AKR1C8: variants seen among roughly 807,000 people sequenced by gnomAD.
The protein encoded by AKR1C8 is aldo-keto reductase family 1 member C8, also known as aldo-keto reductase family 1 member C-like protein 1.
chr10:5,133,699 G>A, the AKR1C8 span, among the ~76,000 whole-genome samples: 3 of 152,144 alleles, frequency 2.0e-5, no homozygotes, highest in Non-Finnish European at 2.9e-5. Context: ...CTTTGTACAA[G>A]CAGTTAATTA....
the AKR1C8 span, among the ~76,000 whole-genome samples, chr10:5,131,388 G>A: frequency 1.3e-5 from 2 of 151,858 alleles, no homozygotes; most frequent in Non-Finnish European, 2.9e-5. Flanking sequence ...TGAGAGTAAA[G>A]AGACAACCTA....
chr10:5,161,625 T>C, the AKR1C8 span: 4 of 516,906 alleles, frequency 7.7e-6, no homozygotes, highest in Admixed American at 2.0e-5. Flanking sequence ...AGTGAGATCA[T>C]TGAATCTGAA....
the AKR1C8 span, among the ~76,000 whole-genome samples, chr10:5,121,569 C>T: frequency 6.6e-6 from 1 of 151,920 alleles, no homozygotes; most frequent in African/African-American, 2.4e-5. Flanking sequence ...GGAGAAATGC[C>T]ACTGGACTCT....
At chr10:5,161,232 G>T in the AKR1C8 span, among the ~76,000 whole-genome samples, 3 of 152,180 alleles carry the variant, frequency 2.0e-5, no homozygotes, top group Non-Finnish European at 4.4e-5. Flanking sequence ...AATTCATTTT[G>T]TTTCCCAAGG....
chr10:5,182,434 T>C, the AKR1C8 span, among the ~76,000 whole-genome samples: 1 of 152,130 alleles, frequency 6.6e-6, no homozygotes, highest in Non-Finnish European at 1.5e-5. Flanking sequence ...AGAATGTCAC[T>C]TTCTAACAGG....
At chr10:5,149,972 CT>C in the AKR1C8 span, among the ~76,000 whole-genome samples, 4 of 151,590 alleles carry the variant, frequency 2.6e-5, no homozygotes, top group African/African-American at 9.8e-5. Context: ...GTCTTCTGGA[CT>C]TTGAAAAACA....
the AKR1C8 span, chr10:5,159,768 G>C: frequency 4.3e-6 from 2 of 465,168 alleles, no homozygotes; most frequent in East Asian, 7.0e-5. Flanking sequence ...ATTTCTGAGA[G>C]AAAAGAACTC....
the AKR1C8 span, among the ~76,000 whole-genome samples, chr10:5,177,462 C>A: frequency 0.011 from 1,654 of 152,030 alleles, 23 homozygotes; most frequent in African/African-American, 0.036. Flanking sequence ...TGTCTCTGCC[C>A]GGCTTTGGTA....
At chr10:5,183,052 T>C in the AKR1C8 span, among the ~76,000 whole-genome samples, 11 of 152,314 alleles carry the variant, frequency 7.2e-5, no homozygotes, top group East Asian at 1.7e-3. Flanking sequence ...AAAAATAGTG[T>C]GTCAAACTTG....
At chr10:5,169,340 G>T in the AKR1C8 span, among the ~76,000 whole-genome samples, 1 of 152,158 alleles carries the variant, frequency 6.6e-6, no homozygotes, top group African/African-American at 2.4e-5. Flanking sequence ...ACTTCCTGCT[G>T]GGGGGCGGGG....
At chr10:5,166,849 G>C in the AKR1C8 span, among the ~76,000 whole-genome samples, 1 of 151,882 alleles carries the variant, frequency 6.6e-6, no homozygotes, top group Non-Finnish European at 1.5e-5. Context: ...GAGTGAACAG[G>C]CAACCTAGAG....
At chr10:5,160,907 A>T in the AKR1C8 span, 1 of 471,038 alleles carries the variant, frequency 2.1e-6, no homozygotes, top group Non-Finnish European at 4.4e-6. Context: ...ATAGAAAAGA[A>T]GATAAAGAAG....
the AKR1C8 span, chr10:5,154,446 C>G: frequency 3.8e-6 from 1 of 262,554 alleles, no homozygotes. Flanking sequence ...TTTTTATGTT[C>G]ATTTTTCTTT....
chr10:5,175,608 A>C, the AKR1C8 span, among the ~76,000 whole-genome samples: 13,236 of 152,120 alleles, frequency 0.087, 700 homozygotes, highest in East Asian at 0.15. Flanking sequence ...TAAAAGTGTT[A>C]CTATTTCTCC....
At chr10:5,174,860 T>C in the AKR1C8 span, among the ~76,000 whole-genome samples, 2 of 151,918 alleles carry the variant, frequency 1.3e-5, no homozygotes, top group African/African-American at 2.4e-5. Flanking sequence ...TTGTGAAAAG[T>C]TATAAAAATT....
chr10:5,131,882 C>A, the AKR1C8 span, among the ~76,000 whole-genome samples: 1 of 152,108 alleles, frequency 6.6e-6, no homozygotes, highest in Non-Finnish European at 1.5e-5. Flanking sequence ...AAGACACATG[C>A]ACACACGTGT....
the AKR1C8 span, among the ~76,000 whole-genome samples, chr10:5,177,900 A>G: frequency 5.3e-5 from 8 of 152,082 alleles, no homozygotes; most frequent in Non-Finnish European, 4.4e-5. Context: ...CTAGTGGTCT[A>G]TAAATTTTGT....
At chr10:5,170,462 T>C in the AKR1C8 span, among the ~76,000 whole-genome samples, 1 of 152,124 alleles carries the variant, frequency 6.6e-6, no homozygotes, top group Non-Finnish European at 1.5e-5. Flanking sequence ...ATAGGCCTTT[T>C]AAATTAGCTT....
At chr10:5,134,888 G>T in the AKR1C8 span, among the ~76,000 whole-genome samples, 5 of 152,136 alleles carry the variant, frequency 3.3e-5, no homozygotes, top group African/African-American at 1.2e-4. Flanking sequence ...CTGCAAAGCT[G>T]GGAACACCCA....
Sources: gnomAD v4.1 joint callset for allele counts (sites outside exome capture counted in the v4.1 genomes callset) on GRCh38, gnomAD v4.1.1 for gene constraint, MANE v1.5 for transcripts, NCBI Gene and HGNC (gene_info 2026-07-23, HGNC 2026-07-21) for gene names.